Variants in SLC5A4 observed in about 807,000 individuals in gnomAD.
SLC5A4 encodes probable glucose sensor protein SLC5A4.
A neutral mutation model predicts 70.3 loss-of-function variants in SLC5A4; 55 were observed. The ratio of observed to expected loss-of-function variants is 0.78; its 90% CI spans 0.63 to 0.98. SLC5A4 has a LOEUF of 0.98. Ranked by LOEUF, SLC5A4 falls within the 50% of genes least tolerant of loss-of-function variation. The pLI is 0.00. For synonymous variants in SLC5A4, 268 were observed against 305.7 expected, an observed-to-expected ratio of 0.88 and a Z score of 1.29; for missense variants, 735 against 839.2, an observed-to-expected ratio of 0.88 and a Z score of 1.53.
chr22:32,332,038 C>G, the SLC5A4 span, among the ~76,000 whole-genome samples: 3 of 152,046 alleles, frequency 2.0e-5, no homozygotes, highest in Non-Finnish European at 4.4e-5. Flanking sequence ...TCAGCCCCCA[C>G]CCCAGGCCCT....
chr22:32,322,113 G>A, the SLC5A4 span, among the ~76,000 whole-genome samples: 1 of 152,178 alleles, frequency 6.6e-6, no homozygotes, highest in African/African-American at 2.4e-5. Context: ...GGACCAGGAG[G>A]TGTGACCAGC....
the SLC5A4 span, among the ~76,000 whole-genome samples, chr22:32,260,672 GA>G: frequency 0.018 from 2,782 of 152,200 alleles, 32 homozygotes; most frequent in African/African-American, 0.032. Context: ...AGTGCACTCT[GA>G]GCAATGAGGT....
At chr22:32,281,790 T>C in the SLC5A4 span, among the ~76,000 whole-genome samples, 1 of 151,012 alleles carries the variant, frequency 6.6e-6, no homozygotes, top group Non-Finnish European at 1.5e-5. Flanking sequence ...TGTACCCTGA[T>C]TGTTCCTCCA....
the SLC5A4 span, among the ~76,000 whole-genome samples, chr22:32,293,086 C>A: frequency 6.6e-6 from 1 of 152,032 alleles, no homozygotes; most frequent in African/African-American, 2.4e-5. Context: ...ACAGATACAC[C>A]AGTTTTTCTG....
intron 4 of SLC5A4, 40 bp from the exon 5 acceptor site, chr22:32,247,555 A>G (rs1284793298): frequency 6.2e-6 from 8 of 1,300,724 alleles, no homozygotes; most frequent in Non-Finnish European, 8.9e-6. Flanking sequence ...ACTTACCCTT[A>G]GGGCCCTGTG....
the SLC5A4 span, among the ~76,000 whole-genome samples, chr22:32,343,765 A>G: frequency 2.6e-5 from 4 of 152,238 alleles, no homozygotes; most frequent in African/African-American, 9.6e-5. Context: ...AGAAAAGCAC[A>G]TTTTAAGTCA....
chr22:32,292,900 G>A, the SLC5A4 span, among the ~76,000 whole-genome samples: 3 of 152,186 alleles, frequency 2.0e-5, no homozygotes, highest in Non-Finnish European at 2.9e-5. Context: ...TTGTGATTTT[G>A]TCTACTTCTT....
intron 6 of SLC5A4, among the ~76,000 whole-genome samples, chr22:32,238,346 C>T (rs1169235038): frequency 6.6e-6 from 1 of 152,202 alleles, no homozygotes; most frequent in East Asian, 1.9e-4. Context: ...CTCTCTGTCG[C>T]TTATTTTAGG....
chr22:32,224,717 C>T (rs185152973), intron 12 of SLC5A4, among the ~76,000 whole-genome samples: 107 of 152,258 alleles, frequency 7.0e-4, no homozygotes, highest in Non-Finnish European at 1.3e-3. Flanking sequence ...TTCTCCAATA[C>T]CAGGACACTA....
At chr22:32,272,063 T>C in the SLC5A4 span, 1 of 644,802 alleles carries the variant, frequency 1.6e-6, no homozygotes, top group Non-Finnish European at 2.8e-6. Flanking sequence ...CTATTCCCAA[T>C]GCCAGGATTG....
At chr22:32,354,200 C>G in the SLC5A4 span, among the ~76,000 whole-genome samples, 1 of 139,632 alleles carries the variant, frequency 7.2e-6, no homozygotes, top group Admixed American at 7.0e-5. Flanking sequence ...CTCCCACCCC[C>G]TCTACACGGG....
chr22:32,323,221 A>G, the SLC5A4 span, among the ~76,000 whole-genome samples: 24 of 152,228 alleles, frequency 1.6e-4, no homozygotes, highest in African/African-American at 4.8e-4. Context: ...AAGACACAGA[A>G]GCAAGTCAGG....
chr22:32,351,527 C>T, the SLC5A4 span, among the ~76,000 whole-genome samples: 1 of 151,342 alleles, frequency 6.6e-6, no homozygotes, highest in East Asian at 1.9e-4. Flanking sequence ...CATGGCGAAA[C>T]CCCATCTCTA....
chr22:32,348,309 A>C, the SLC5A4 span, among the ~76,000 whole-genome samples: 1 of 152,238 alleles, frequency 6.6e-6, no homozygotes, highest in African/African-American at 2.4e-5. Context: ...GCAGGCTTCC[A>C]GAATGCCCTC....
At chr22:32,351,429 C>A in the SLC5A4 span, among the ~76,000 whole-genome samples, 3 of 151,600 alleles carry the variant, frequency 2.0e-5, no homozygotes, top group Non-Finnish European at 4.4e-5. Flanking sequence ...ACTGGGCCGG[C>A]GAGGTGGCTC....
intron 5 of SLC5A4, among the ~76,000 whole-genome samples, chr22:32,239,539 TA>T (rs1926289702): frequency 5.7e-4 from 6 of 10,474 alleles, no homozygotes; most frequent in African/African-American, 1.0e-3. Context: ...TATATATATA[TA>T]TATATATATA....
the SLC5A4 span, among the ~76,000 whole-genome samples, chr22:32,311,705 TTC>T: frequency 0.053 from 8,098 of 152,256 alleles, 242 homozygotes; most frequent in Admixed American, 0.07. Flanking sequence ...CTGACTCATC[TTC>T]TGTCCCCATC....
intron 13 of SLC5A4, among the ~76,000 whole-genome samples, chr22:32,221,814 G>C (rs777415759): frequency 2.0e-5 from 3 of 152,056 alleles, no homozygotes; most frequent in African/African-American, 7.2e-5. Context: ...GCAATGGTGC[G>C]ATCTTGGCTC....
At chr22:32,327,809 T>C in the SLC5A4 span, among the ~76,000 whole-genome samples, 2 of 152,156 alleles carry the variant, frequency 1.3e-5, no homozygotes, top group Non-Finnish European at 2.9e-5. Flanking sequence ...CGGACACAGA[T>C]GCAGCAAGGT....
Sources: allele counts gnomAD v4.1 joint callset (sites outside exome capture counted in the v4.1 genomes callset), GRCh38; gene constraint gnomAD v4.1.1; transcripts MANE v1.5; gene names NCBI Gene and HGNC (gene_info 2026-07-23, HGNC 2026-07-21).